LIFR: variants seen among roughly 807,000 people sequenced by gnomAD.
The protein encoded by LIFR is leukemia inhibitory factor receptor.
A neutral mutation model predicts 122.2 loss-of-function variants in LIFR; 84 were observed. That is an observed-to-expected ratio of 0.69 (90% CI 0.58 to 0.82). The LOEUF is 0.82. LIFR is among the 40% of genes least tolerant of loss of function. LIFR has a pLI of 0.00. For synonymous variants in LIFR, 422 were observed against 434.7 expected, an observed-to-expected ratio of 0.97 and a Z score of 0.36; for missense variants, 1,294 against 1,311.6, an observed-to-expected ratio of 0.99 and a Z score of 0.21.
intron 1 of LIFR, among the ~76,000 whole-genome samples, chr5:38,574,163 A>G (rs1749308180): frequency 6.6e-6 from 1 of 151,974 alleles, no homozygotes; most frequent in Admixed American, 6.6e-5. Context: ...TAAGCCAACC[A>G]CTTAAAAGCC....
intron 5 of LIFR, among the ~76,000 whole-genome samples, chr5:38,518,421 C>T (rs1243146234): frequency 1.3e-5 from 2 of 152,016 alleles, no homozygotes; most frequent in African/African-American, 4.8e-5. Context: ...CAGTAATGTG[C>T]TATATAACAA....
At chr5:38,595,872 AC>A, upstream of LIFR, among the ~76,000 whole-genome samples, 1 of 46,788 alleles carries the variant, frequency 2.1e-5, no homozygotes, top group Admixed American at 1.8e-4. Flanking sequence ...AGCTGGGACT[AC>A]AAGGCGCCCG....
chr5:38,553,621 A>T (rs760261370), intron 1 of LIFR, among the ~76,000 whole-genome samples: 26 of 48,454 alleles, frequency 5.4e-4, no homozygotes, highest in Non-Finnish European at 8.7e-4. Flanking sequence ...GACCATTTAA[A>T]CTATATATAT....
chr5:38,482,089 C>G lies in LIFR; in HGVS notation c.2800G>C (p.Glu934Gln). The change falls in exon 20 of 20, where the codon GAA (glutamate) becomes CAA (glutamine). Residue 934 changes from glutamate to glutamine, a missense_variant. Transcript: ENST00000453190. ...EIISPVAERP[E>Q]DRSDAEPENH... ...TCAGGCTCTGCATCAGAGCGATCTT[C>G]AGGACGCTCAGCTACTGGGGAAATT... 6.3e-7 allele frequency: 1 copy of G among 1,596,880 alleles called. No individual in the cohort carries two copies. The highest frequency in any genetic ancestry group is 8.5e-7 in the Non-Finnish European group (1 of 1,172,576).
At chr5:38,510,067 T>C (rs955425452) in intron 7 of LIFR, among the ~76,000 whole-genome samples, 1 of 152,344 alleles carries the variant, frequency 6.6e-6, no homozygotes, top group Non-Finnish European at 1.5e-5. Flanking sequence ...AAAATTGCTA[T>C]AATTTCTTTA....
chr5:38,605,684 C>T (rs1395022221), intron 2 of LIFR, among the ~76,000 whole-genome samples: 1 of 152,146 alleles, frequency 6.6e-6, no homozygotes, highest in East Asian at 1.9e-4. Context: ...AGGGAAATTC[C>T]CTGTGGACAA....
At chr5:38,525,772 G>C (rs1746646346) in intron 4 of LIFR, among the ~76,000 whole-genome samples, 2 of 152,214 alleles carry the variant, frequency 1.3e-5, no homozygotes, top group African/African-American at 4.8e-5. Context: ...GTGCCAGTGT[G>C]ACCAGAAAAG....
intron 1 of LIFR, among the ~76,000 whole-genome samples, chr5:38,568,762 G>C (rs1186692976): frequency 2.0e-5 from 3 of 152,218 alleles, no homozygotes; most frequent in Non-Finnish European, 4.4e-5. Context: ...ACAGCCATCA[G>C]AAGCAGGTTG....
intron 5 of LIFR, 58 bp from the exon 6 acceptor site, chr5:38,512,022 C>T: frequency 6.5e-7 from 1 of 1,537,306 alleles, no homozygotes; most frequent in South Asian, 1.1e-5. Context: ...TTTTGCTTTC[C>T]TTTAGAATTA....
chr5:38,575,351 A>C (rs1749349538), intron 1 of LIFR, among the ~76,000 whole-genome samples: 2 of 152,180 alleles, frequency 1.3e-5, no homozygotes, highest in South Asian at 4.1e-4. Context: ...AAAATTCACC[A>C]ATATATACAT....
chr5:38,584,936 A>G (rs543339247), intron 1 of LIFR, among the ~76,000 whole-genome samples: 2 of 152,322 alleles, frequency 1.3e-5, no homozygotes, highest in South Asian at 4.2e-4. Flanking sequence ...CAACCGTTTT[A>G]CTATCTATTA....
At chr5:38,509,818 C>G (rs1017341860) in intron 7 of LIFR, among the ~76,000 whole-genome samples, 1 of 152,152 alleles carries the variant, frequency 6.6e-6, no homozygotes. Context: ...TGTGGACATT[C>G]AACACAAGCC....
Position 38,481,692 on chromosome 5 carries a change from C to T in LIFR, c.3197G>A (p.Arg1066Gln), listed in dbSNP as rs368698516. The change falls in exon 20 of 20, where the codon CGA (arginine) becomes CAA (glutamine). Residue 1066 changes from arginine to glutamine, a missense_variant. Coordinates refer to ENST00000453190, the MANE Select transcript of LIFR (RefSeq NM_001127671.2). The stretch of plus-strand genomic sequence containing the variant: ...ATCTTTAGGAGGAATCAAAAATTGT[C>T]GGGAATTAATGGAGCATGGACTTCC... ...SFGSPCSINSRQFLIPPKDED... is the reference protein window; with the variant it reads ...SFGSPCSINSQQFLIPPKDED... The T allele has an allele frequency of 3.6e-5, 58 of 1,613,976 alleles. 1 individual carries two copies. The highest frequency in any genetic ancestry group is 1.5e-4 in the South Asian group (14 of 91,074).
chr5:38,569,517 A>G (rs1018630073), intron 1 of LIFR, among the ~76,000 whole-genome samples: 4 of 152,224 alleles, frequency 2.6e-5, no homozygotes, highest in Non-Finnish European at 5.9e-5. Flanking sequence ...TGCACATGTA[A>G]GGGATCTAGG....
At chr5:38,516,683 T>C (rs1746101461) in intron 5 of LIFR, among the ~76,000 whole-genome samples, 1 of 152,042 alleles carries the variant, frequency 6.6e-6, no homozygotes, top group Admixed American at 6.5e-5. Flanking sequence ...GAAATACCAT[T>C]TGACCCAGCC....
intron 5 of LIFR, among the ~76,000 whole-genome samples, chr5:38,519,073 C>T (rs907621666): frequency 1.3e-5 from 2 of 152,042 alleles, no homozygotes; most frequent in African/African-American, 2.4e-5. Flanking sequence ...AGTGTTAATA[C>T]AAAAGAGTCA....
intron 2 of LIFR, among the ~76,000 whole-genome samples, chr5:38,529,925 GAAAT>G (rs1166097544): frequency 1.3e-5 from 2 of 151,972 alleles, no homozygotes; most frequent in African/African-American, 2.4e-5. Context: ...TTTAAATATG[GAAAT>G]AATATAAAAA....
At chr5:38,604,003 T>C (rs1333416932) in intron 2 of LIFR, among the ~76,000 whole-genome samples, 1 of 152,218 alleles carries the variant, frequency 6.6e-6, no homozygotes, top group Non-Finnish European at 1.5e-5. Context: ...ATTTACGCTG[T>C]CATCTCATGG....
At chr5:38,518,028 G>C (rs529922038) in intron 5 of LIFR, among the ~76,000 whole-genome samples, 1 of 150,724 alleles carries the variant, frequency 6.6e-6, no homozygotes, top group Admixed American at 6.6e-5. Flanking sequence ...TGAGGCAAAA[G>C]TATCCCTTAG....
Sources: allele counts gnomAD v4.1 joint callset (sites outside exome capture counted in the v4.1 genomes callset), GRCh38; gene constraint gnomAD v4.1.1; transcripts MANE v1.5; gene names NCBI Gene and HGNC (gene_info 2026-07-23, HGNC 2026-07-21).